The following NAALAD2 variants were observed in gnomAD, a reference collection of about 807,000 sequenced individuals.
The protein encoded by NAALAD2 is N-acetylated-alpha-linked acidic dipeptidase 2.
In NAALAD2, 89 loss-of-function variants were observed where a neutral mutation model predicts 95.6. That is an observed-to-expected ratio of 0.93 (90% confidence interval 0.78 to 1.11). The LOEUF (loss-of-function observed/expected upper bound fraction) is 1.11. Ranked by LOEUF, NAALAD2 falls within the 50% of genes least tolerant of loss-of-function variation. The probability of loss-of-function intolerance (pLI) is 0.00; values close to 1 mark genes in which losing one functional copy is unlikely to be tolerated. For synonymous variants in NAALAD2, 264 were observed against 294.4 expected, an observed-to-expected ratio of 0.90 and a Z score of 1.06; for missense variants, 894 against 872.4, an observed-to-expected ratio of 1.02 and a Z score of -0.31.
chr11:90,164,174 TAATA>T (rs1178778040), intron 11 of NAALAD2: 1 of 153,224 alleles, frequency 6.5e-6, no homozygotes, highest in Non-Finnish European at 1.5e-5. Flanking sequence ...TGAATTACTT[TAATA>T]AATTGACCTG....
At position 90,167,703 on chromosome 11, in the gene NAALAD2, C is replaced by T. The variant is rs563773803; in HGVS notation, c.1279-1226C>T. Among the ~76,000 whole-genome samples, 6 of 152,262 alleles carry T rather than the reference C, an allele frequency of 3.9e-5. No homozygotes were observed. The East Asian group carries it at 1.2e-3, about 29-fold the overall frequency. ...TCTAGCTCAAGGTTTGTAAACACAC[C>T]AATCAGCACCCTGTGTCTAGCTCAG... is the stretch of plus-strand genomic sequence containing the variant. On this transcript the variant is annotated intron_variant, in intron 11 of 18. Coordinates refer to ENST00000534061, the MANE Select transcript of NAALAD2 (RefSeq NM_005467.4).
rs151084065 is a variant in NAALAD2 at position 90,154,768 on chromosome 11, G to C, written c.796+2284G>C. Among the ~76,000 whole-genome samples the C allele has an allele frequency of 8.7e-3, 1,300 of 148,968 alleles. 7 individuals are homozygous for C. Among genetic ancestry groups the C allele is most frequent in the Non-Finnish European group, 0.015 (1,038 of 67,210 alleles). ...ATCTGGGCCTGAAGTGTTTTATGTA[G>C]AACTGTTTTTCACTACAAATTGAAT... is the stretch of plus-strand genomic sequence containing the variant. On this transcript the variant is annotated intron_variant, in intron 6 of 18. Coordinates refer to ENST00000534061, the MANE Select transcript of NAALAD2 (RefSeq NM_005467.4).
Position 90,182,937 on chromosome 11 carries a change from G to A in NAALAD2, c.1962G>A (p.Met654Ile), listed in dbSNP as rs1206094746. The change falls in exon 18 of 19, where the codon ATG becomes ATA. Residue 654 changes from methionine to isoleucine, a missense_variant. Met to Ile is a conservative substitution (Grantham distance 10). Coordinates refer to ENST00000534061, the MANE Select transcript of NAALAD2 (RefSeq NM_005467.4). ...DLNNPIAVRM[M>I]NDQLMLLERA... The stretch of plus-strand genomic sequence containing the variant: ...GAAGTCCCATTGCAGTGAGAATGAT[G>A]AATGACCAACTGATGCTCCTGGAAA... 1.2e-6 allele frequency: 2 copies of A among 1,611,322 alleles called. No individual in the cohort carries two copies. The highest frequency in any genetic ancestry group is 2.7e-5 in the African/African-American group (2 of 74,852).
At position 90,181,730 on chromosome 11, in the gene NAALAD2, A is replaced by ATT. The variant is rs574538499; in HGVS notation, c.1940+29_1940+30insTT. ...AGTTTCAAATCCCTTTTTTTTTAAA[A>ATT]AAAAAAAAAAAAGCAATCTGGTTAC... On this transcript the variant is annotated intron_variant, in intron 17 of 18. Coordinates refer to ENST00000534061, the MANE Select transcript of NAALAD2 (RefSeq NM_005467.4). 2.6e-5 allele frequency: 14 copies of ATT among 537,600 alleles called. No individual in the cohort carries two copies. The African/African-American group carries it at 6.6e-4, about 25-fold the overall frequency. The allele number at this position is 537,600 out of a possible 1,614,324, so 33.3% of individuals were successfully genotyped here.
At chr11:90,135,417 C>T (rs1265305924) in intron 1 of NAALAD2, 142 bp from the exon 2 acceptor site, 5 of 458,992 alleles carry the variant, frequency 1.1e-5, no homozygotes, top group African/African-American at 7.9e-5. Flanking sequence ...TTAATATAAA[C>T]ATTATTTTTT....
intron 18 of NAALAD2, among the ~76,000 whole-genome samples, chr11:90,189,489 C>A (rs1857259172): frequency 6.6e-6 from 1 of 152,126 alleles, no homozygotes. Flanking sequence ...ACATTTGTGG[C>A]CGGGCATGGT....
At chr11:90,158,380 C>A (rs1222533883) in intron 7 of NAALAD2, 142 bp downstream of exon 7, 1 of 588,078 alleles carries the variant, frequency 1.7e-6, no homozygotes, top group East Asian at 3.1e-5. Context: ...ACAGAGTATA[C>A]TATCTTTTTA....
In NAALAD2 at chr11:90,191,669, G is replaced by C. The variant is rs1377785429; in HGVS notation, c.2145G>C (p.Trp715Cys). 6.2e-7 allele frequency: 1 copy of C among 1,602,496 alleles called. No individual in the cohort carries two copies. Among genetic ancestry groups the C allele is most frequent in the Non-Finnish European group, 8.5e-7 (1 of 1,174,704 alleles). ...ATAAAGCCAACTCTCGTTTGGCCTGGAAAGAAGTAAAGAAACATATTTCTA... is the reference window on the plus strand; with the variant it reads ...ATAAAGCCAACTCTCGTTTGGCCTGCAAAGAAGTAAAGAAACATATTTCTA... ...IENKANSRLA[W>C]KEVKKHISIA... is the part of the protein sequence containing the mutation. The change falls in exon 19 of 19, where the codon TGG becomes TGC. Residue 715 changes from tryptophan to cysteine, a missense_variant. Transcript: ENST00000534061.
At chr11:90,150,365 T>C (rs1951854809) in intron 4 of NAALAD2, 117 bp from the exon 5 acceptor site, 1 of 543,534 alleles carries the variant, frequency 1.8e-6, no homozygotes, top group Non-Finnish European at 3.0e-6. Flanking sequence ...TGTTTATTAC[T>C]CCCCAAATAA....
At chr11:90,134,862 C>T (rs776040205) in intron 1 of NAALAD2, 22 bp downstream of exon 1, 3 of 1,611,832 alleles carry the variant, frequency 1.9e-6, no homozygotes, top group South Asian at 2.2e-5. Flanking sequence ...AAACACTCTA[C>T]CCCGACTCCG....
chr11:90,166,548 C>T (rs1425173611), intron 11 of NAALAD2, among the ~76,000 whole-genome samples: 1 of 152,162 alleles, frequency 6.6e-6, no homozygotes, highest in Non-Finnish European at 1.5e-5. Context: ...TTAGGAAATA[C>T]AGATTGGCTG....
chr11:90,135,757 G>T (rs375238994), intron 2 of NAALAD2, 87 bp downstream of exon 2: 1 of 1,036,730 alleles, frequency 9.6e-7, no homozygotes, highest in South Asian at 1.8e-5. Flanking sequence ...TATGCATGAG[G>T]ACAGTCTTCT....
chr11:90,134,717 C>T lies in NAALAD2; in HGVS notation c.-42C>T, dbSNP rs781228881. On this transcript the variant is annotated 5_prime_UTR_variant, in exon 1 of 19. Coordinates refer to ENST00000534061, the MANE Select transcript of NAALAD2 (RefSeq NM_005467.4). ...TCTGTTTCTCTGCAGCCCCGAAGCTCGCGAATGTAGCAGGCGCCCCAAGCT... is the reference window on the plus strand; with the variant it reads ...TCTGTTTCTCTGCAGCCCCGAAGCTTGCGAATGTAGCAGGCGCCCCAAGCT... 1.3e-6 allele frequency: 2 copies of T among 1,598,810 alleles called. No individual in the cohort carries two copies. The highest frequency in any genetic ancestry group is 2.2e-5 in the South Asian group (2 of 90,686).
chr11:90,152,219 A>G, intron 5 of NAALAD2, 79 bp from the exon 6 acceptor site: 2 of 1,299,728 alleles, frequency 1.5e-6, no homozygotes, highest in Non-Finnish European at 2.1e-6. Flanking sequence ...TCCTTCCATT[A>G]TTAAATTAAT....
chr11:90,181,492 CAAG>C (rs1444454682), intron 16 of NAALAD2, 125 bp from the exon 17 acceptor site: 1 of 652,364 alleles, frequency 1.5e-6, no homozygotes, highest in East Asian at 2.8e-5. Flanking sequence ...CATGGATCTG[CAAG>C]AAGACTCAGT....
chr11:90,173,321 A>G (rs1451648571), intron 13 of NAALAD2, among the ~76,000 whole-genome samples: 3 of 152,188 alleles, frequency 2.0e-5, no homozygotes. Context: ...TCCCAGCGCT[A>G]ACCCCTGCCT....
chr11:90,173,043 T>C (rs544321234), intron 13 of NAALAD2, among the ~76,000 whole-genome samples: 56 of 152,254 alleles, frequency 3.7e-4, no homozygotes, highest in African/African-American at 1.3e-3. Context: ...TGTGTAGTAG[T>C]CTAGATTTAA....
intron 6 of NAALAD2, among the ~76,000 whole-genome samples, chr11:90,155,026 AATATGTATATATGTG>A (rs1314229785): frequency 6.0e-4 from 73 of 121,444 alleles, no homozygotes; most frequent in African/African-American, 2.4e-3. Flanking sequence ...ACATATACAT[AATATGTATATATGTG>A]TGTATATATT....
intron 18 of NAALAD2, among the ~76,000 whole-genome samples, chr11:90,188,785 G>A (rs913505157): frequency 6.6e-6 from 1 of 152,174 alleles, no homozygotes; most frequent in Non-Finnish European, 1.5e-5. Flanking sequence ...AGGCAAATAA[G>A]TAATAAATCC....
Sources: gnomAD v4.1 joint callset for allele counts (sites outside exome capture counted in the v4.1 genomes callset) on GRCh38, gnomAD v4.1.1 for gene constraint, MANE v1.5 for transcripts, NCBI Gene and HGNC (gene_info 2026-07-23, HGNC 2026-07-21) for gene names.